Variants in CAB39 observed in about 807,000 individuals in gnomAD.
The protein encoded by CAB39 is calcium binding protein 39, also known as calcium-binding protein 39.
In CAB39, 8 loss-of-function variants were observed where a neutral mutation model predicts 40.0. The ratio of observed to expected loss-of-function variants is 0.20; its 90% CI spans 0.12 to 0.36. The LOEUF (loss-of-function observed/expected upper bound fraction) is 0.36. CAB39 is among the 10% of genes least tolerant of loss of function. The pLI, the probability that CAB39 is intolerant of heterozygous loss-of-function variation, is 1.00. For missense variants in CAB39, 270 were observed against 401.1 expected, an observed-to-expected ratio of 0.67 and a Z score of 2.79; for synonymous variants, 156 against 141.6, an observed-to-expected ratio of 1.10 and a Z score of -0.72.
chr2:230,771,287 G>A, intron 2 of CAB39, among the ~76,000 whole-genome samples: 1 of 152,034 alleles, frequency 6.6e-6, no homozygotes, highest in East Asian at 1.9e-4. Context: ...GTATTCAAGA[G>A]TGTTAGGTGT....
rs569431617 is a variant in CAB39, at chr2:230,817,689, T to G, written c.694-65T>G. On this transcript the variant is annotated intron_variant, in intron 7 of 8. Transcript: ENST00000258418. ...TACTTGATGATTATAAAATAAATTG[T>G]TTTTTTAAACTTTGATTTTTCTTTA... The G allele has an allele frequency of 1.7e-5, 22 of 1,303,876 alleles. No homozygotes were observed. In the African/African-American group the frequency reaches 3.3e-4, roughly 20 times the overall value. 80.8% of individuals were successfully genotyped at this position (1,303,876 alleles called of 1,614,324 possible).
chr2:230,814,014 G>GAA, intron 6 of CAB39, 35 bp from the exon 7 acceptor site: 1 of 143,992 alleles, frequency 6.9e-6, no homozygotes, highest in Non-Finnish European at 1.2e-5. Context: ...TTTTTTTTTG[G>GAA]CAATAACCCT....
chr2:230,719,900 CTG>C (rs1262841058), intron 1 of CAB39, among the ~76,000 whole-genome samples: 1 of 152,208 alleles, frequency 6.6e-6, no homozygotes, highest in Non-Finnish European at 1.5e-5. Flanking sequence ...TGGCATGTGA[CTG>C]TGCTTTAACC....
chr2:230,810,166 A>G, intron 5 of CAB39, 97 bp from the exon 6 acceptor site: 1 of 602,204 alleles, frequency 1.7e-6, no homozygotes, highest in Admixed American at 3.6e-5. Context: ...GTGATTTTTA[A>G]CAACAGTTTT....
intron 2 of CAB39, among the ~76,000 whole-genome samples, chr2:230,762,773 G>A (rs971879742): frequency 2.6e-5 from 4 of 152,196 alleles, no homozygotes; most frequent in Non-Finnish European, 5.9e-5. Flanking sequence ...AGGCACTGGG[G>A]ATATAATACT....
chr2:230,729,894 A>G (rs942406722), intron 1 of CAB39, among the ~76,000 whole-genome samples: 7 of 152,200 alleles, frequency 4.6e-5, no homozygotes, highest in African/African-American at 1.7e-4. Flanking sequence ...ATCTATAAAT[A>G]TTTGAGATTT....
chr2:230,748,831 A>AAAAAAATAT (rs1386799920), intron 1 of CAB39, among the ~76,000 whole-genome samples: 17 of 28,512 alleles, frequency 6.0e-4, no homozygotes, highest in Non-Finnish European at 9.5e-4. Context: ...AAAAAAAAAA[A>AAAAAAATAT]ATATATATAT....
At chr2:230,794,234 G>A (rs1695940699) in intron 4 of CAB39, among the ~76,000 whole-genome samples, 1 of 152,226 alleles carries the variant, frequency 6.6e-6, no homozygotes, top group Non-Finnish European at 1.5e-5. Context: ...TTTAGACAAA[G>A]TGTGAGTCAG....
chr2:230,803,553 C>G (rs1182342470), intron 5 of CAB39, among the ~76,000 whole-genome samples: 1 of 152,206 alleles, frequency 6.6e-6, no homozygotes, highest in African/African-American at 2.4e-5. Flanking sequence ...GCAACTTCAG[C>G]AAAGTCTCAG....
chr2:230,751,673 T>C (rs1277981334), intron 1 of CAB39, among the ~76,000 whole-genome samples: 2 of 152,166 alleles, frequency 1.3e-5, no homozygotes, highest in Non-Finnish European at 2.9e-5. Flanking sequence ...AAAATATTCT[T>C]GAGAATATTA....
intron 2 of CAB39, among the ~76,000 whole-genome samples, chr2:230,772,544 G>A (rs1695500862): frequency 1.3e-5 from 2 of 151,658 alleles, no homozygotes; most frequent in Non-Finnish European, 2.9e-5. Flanking sequence ...GAGTGCAGTG[G>A]CACAGTCTCG....
At chr2:230,749,269 T>C (rs1273343263) in intron 1 of CAB39, among the ~76,000 whole-genome samples, 1 of 152,100 alleles carries the variant, frequency 6.6e-6, no homozygotes, top group Non-Finnish European at 1.5e-5. Flanking sequence ...ACTTTTCAAC[T>C]TAGCTCCTGT....
At chr2:230,772,574 T>C (rs974057688) in intron 2 of CAB39, among the ~76,000 whole-genome samples, 2 of 150,946 alleles carry the variant, frequency 1.3e-5, no homozygotes, top group African/African-American at 4.9e-5. Flanking sequence ...AAGCTCCACC[T>C]CCCTGGTTCA....
chr2:230,804,559 A>G (rs986034364), intron 5 of CAB39, among the ~76,000 whole-genome samples: 1 of 152,190 alleles, frequency 6.6e-6, no homozygotes, highest in African/African-American at 2.4e-5. Context: ...GAAAAAAATC[A>G]AACAACCCCA....
At chr2:230,761,445 G>A (rs369112863) in intron 2 of CAB39, among the ~76,000 whole-genome samples, 1 of 151,792 alleles carries the variant, frequency 6.6e-6, no homozygotes. Context: ...GAACTAAGGT[G>A]GTACCTTAGT....
Position 230,785,374 on chromosome 2 carries a change from C to T in CAB39, c.115-5498C>T, listed in dbSNP as rs577710937. Among the ~76,000 whole-genome samples the T allele has an allele frequency of 2.9e-4, 10 of 34,352 alleles. No homozygotes were observed. The South Asian group carries it at 5.5e-3, about 19-fold the overall frequency. The allele number at this position is 34,352 out of a possible 152,430, so 22.5% of individuals were successfully genotyped here. A position where few individuals can be genotyped will look rare whatever the true frequency, so the allele number is the denominator to read the frequency against. On this transcript the variant is annotated intron_variant, in intron 2 of 8. Transcript: ENST00000258418. ...TGTGGGTAGTAGCTGGGCAGGGGCG[C>T]GTGGGCAGGGGGGCAGGGGGGCAGG...
intron 1 of CAB39, among the ~76,000 whole-genome samples, chr2:230,751,797 A>C (rs984799181): frequency 6.6e-5 from 10 of 151,824 alleles, no homozygotes; most frequent in African/African-American, 2.2e-4. Context: ...CAGTACCAAA[A>C]CCCCCCACAA....
intron 2 of CAB39, among the ~76,000 whole-genome samples, chr2:230,772,998 A>C (rs1480622133): frequency 2.6e-5 from 4 of 151,918 alleles, no homozygotes; most frequent in Admixed American, 2.0e-4. Flanking sequence ...AAAAAAAAAA[A>C]AAAAACTATT....
chr2:230,747,731 A>G lies in CAB39; in HGVS notation c.-43-12228A>G, dbSNP rs192045983. The stretch of plus-strand genomic sequence containing the variant: ...AAATAGAAACTTTTGCCATATTACT[A>G]TGTTTTAAATTATGAAATATATAAG... On this transcript the variant is annotated intron_variant, in intron 1 of 8. Transcript: ENST00000258418. Among the ~76,000 whole-genome samples the G allele has an allele frequency of 2.6e-4, 39 of 152,346 alleles. No individual in the cohort carries two copies. In the East Asian group the frequency reaches 6.0e-3, roughly 23 times the overall value.
Sources: allele counts gnomAD v4.1 joint callset (sites outside exome capture counted in the v4.1 genomes callset), GRCh38; gene constraint gnomAD v4.1.1; transcripts MANE v1.5; gene names NCBI Gene and HGNC (gene_info 2026-07-23, HGNC 2026-07-21).